Variants in FLVCR2 observed in about 807,000 individuals in gnomAD.
FLVCR2 encodes the protein choline/ethanolamine transporter FLVCR2.
FLVCR2 carries 38 observed loss-of-function variants against 48.9 expected under a neutral mutation model. That is an observed-to-expected ratio of 0.78 (90% CI 0.60 to 1.02). FLVCR2 has a LOEUF of 1.02. Ranked by LOEUF, FLVCR2 falls within the 50% of genes least tolerant of loss-of-function variation. FLVCR2 has a pLI of 0.00. For synonymous variants in FLVCR2, 255 were observed against 257.0 expected, an observed-to-expected ratio of 0.99 and a Z score of 0.07; for missense variants, 664 against 663.3, an observed-to-expected ratio of 1.00 and a Z score of -0.01.
chr14:75,641,313 C>A lies in FLVCR2; in HGVS notation c.1453+20C>A, dbSNP rs761651605. ...TCACTGGTGAGTTGGAGCCTGAGGG[C>A]AAGATGAGGCTCAGGTTGGCCATTT... On this transcript the variant is annotated intron_variant, in intron 8 of 9. Transcript: ENST00000238667. 1 of 1,561,024 alleles carries A rather than the reference C, an allele frequency of 6.4e-7. No individual in the cohort carries two copies. The highest frequency in any genetic ancestry group is 8.8e-7 in the Non-Finnish European group (1 of 1,131,996).
chr14:75,602,025 C>A (rs1436101780), intron 1 of FLVCR2, among the ~76,000 whole-genome samples: 1 of 152,170 alleles, frequency 6.6e-6, no homozygotes, highest in East Asian at 1.9e-4. Context: ...ACTTTACTCA[C>A]ATTTCCTAGT....
intron 1 of FLVCR2, among the ~76,000 whole-genome samples, chr14:75,600,312 C>T (rs147246349): frequency 0.011 from 1,688 of 152,252 alleles, 26 homozygotes; most frequent in African/African-American, 0.039. Flanking sequence ...ATTGCCCACC[C>T]CTTTCCCGGA....
At chr14:75,624,855 G>A in intron 3 of FLVCR2, 103 bp downstream of exon 3, 8 of 1,419,954 alleles carry the variant, frequency 5.6e-6, no homozygotes, top group Non-Finnish European at 7.9e-6. Flanking sequence ...AAATGTGCAT[G>A]TAAAGCTGTT....
intron 1 of FLVCR2, among the ~76,000 whole-genome samples, chr14:75,594,549 G>T (rs1888969075): frequency 6.6e-6 from 1 of 152,196 alleles, no homozygotes; most frequent in South Asian, 2.1e-4. Context: ...GGTTCTGGAG[G>T]CTGGGAAACC....
chr14:75,585,886 G>C (rs1201009260), intron 1 of FLVCR2, among the ~76,000 whole-genome samples: 2 of 152,194 alleles, frequency 1.3e-5, no homozygotes, highest in African/African-American at 4.8e-5. Context: ...AAGATTGAAG[G>C]GTAGCAAGAG....
chr14:75,632,797 CTG>C, intron 3 of FLVCR2: 2 of 702,066 alleles, frequency 2.8e-6, no homozygotes, highest in East Asian at 2.7e-5. Flanking sequence ...ATTATTTTAA[CTG>C]TGTGTGCATC....
At chr14:75,628,352 T>G (rs1356670054) in intron 3 of FLVCR2, among the ~76,000 whole-genome samples, 1 of 152,176 alleles carries the variant, frequency 6.6e-6, no homozygotes, top group Non-Finnish European at 1.5e-5. Context: ...TGACCTCAGG[T>G]GATCTGCCCG....
intron 1 of FLVCR2, among the ~76,000 whole-genome samples, chr14:75,609,579 C>T (rs1889385462): frequency 6.6e-6 from 1 of 152,110 alleles, no homozygotes; most frequent in Non-Finnish European, 1.5e-5. Flanking sequence ...TACATGGGTC[C>T]CATCCTATCT....
At chr14:75,605,489 C>A in intron 1 of FLVCR2, 1 of 1,523,328 alleles carries the variant, frequency 6.6e-7, no homozygotes, top group Non-Finnish European at 8.8e-7. Context: ...TGATTACAGG[C>A]ATCTTTCCTT....
chr14:75,630,700 A>G (rs749407820), intron 3 of FLVCR2, among the ~76,000 whole-genome samples: 1 of 152,190 alleles, frequency 6.6e-6, no homozygotes, highest in Non-Finnish European at 1.5e-5. Context: ...AATTTTTTAC[A>G]AAGAAAAAAA....
Position 75,588,721 on chromosome 14 carries a change from C to T in FLVCR2, c.669+9080C>T, listed in dbSNP as rs181764102. 4.5e-3 allele frequency among the ~76,000 whole-genome samples: 687 copies of T among 152,232 alleles called. 10 individuals are homozygous for T. In the South Asian group the frequency reaches 0.059, roughly 13 times the overall value. On this transcript the variant is annotated intron_variant, in intron 1 of 9. Coordinates refer to ENST00000238667, the MANE Select transcript of FLVCR2 (RefSeq NM_017791.3). Reference sequence around the variant, plus strand: ...CTTGAACTCCTGACCTCAAGTGATCCCCCTGCCTCGGCCTCCCAAAGTGTT... The same window carrying T: ...CTTGAACTCCTGACCTCAAGTGATCTCCCTGCCTCGGCCTCCCAAAGTGTT...
chr14:75,637,728 CA>C (rs59847223), intron 5 of FLVCR2, among the ~76,000 whole-genome samples: 20,786 of 83,928 alleles, frequency 0.25, 2,585 homozygotes, highest in African/African-American at 0.47. Flanking sequence ...GACTCCATCT[CA>C]AAAAAAAAAA....
At chr14:75,606,512 G>A (rs1889294274) in intron 1 of FLVCR2, among the ~76,000 whole-genome samples, 1 of 152,144 alleles carries the variant, frequency 6.6e-6, no homozygotes, top group African/African-American at 2.4e-5. Flanking sequence ...AGCTAGACAG[G>A]AACACACCTC....
At chr14:75,618,128 C>T (rs567383493) in intron 1 of FLVCR2, among the ~76,000 whole-genome samples, 3 of 152,168 alleles carry the variant, frequency 2.0e-5, no homozygotes, top group Non-Finnish European at 4.4e-5. Flanking sequence ...GGAGAAGTCA[C>T]TGCAGGGTGT....
chr14:75,593,301 C>T (rs1888930446), intron 1 of FLVCR2, among the ~76,000 whole-genome samples: 3 of 152,130 alleles, frequency 2.0e-5, no homozygotes, highest in Non-Finnish European at 1.5e-5. Flanking sequence ...AACAGAATAC[C>T]TGAAACTGGG....
At position 75,578,705 on chromosome 14, in the gene FLVCR2, C is replaced by G; in HGVS notation, c.-268C>G. 1 of 560,912 alleles carries G rather than the reference C, an allele frequency of 1.8e-6. No homozygotes were observed. Among genetic ancestry groups the G allele is most frequent in the South Asian group, 2.1e-5 (1 of 48,666 alleles). The allele number at this position is 560,912 out of a possible 1,614,324, so 34.7% of individuals were successfully genotyped here. On this transcript the variant is annotated 5_prime_UTR_variant, in exon 1 of 10. Transcript: ENST00000238667. ...CTCGTGGGGAGACCCAAGGCAGGAGCGGTCCGGAGCCGGCTGCGGCGTGTG... is the reference window on the plus strand; with the variant it reads ...CTCGTGGGGAGACCCAAGGCAGGAGGGGTCCGGAGCCGGCTGCGGCGTGTG...
intron 9 of FLVCR2, among the ~76,000 whole-genome samples, chr14:75,643,900 A>C (rs1034643520): frequency 6.6e-6 from 1 of 152,148 alleles, no homozygotes; most frequent in South Asian, 2.1e-4. Flanking sequence ...GTGAAATCCT[A>C]TCTCTACTAA....
At chr14:75,624,506 G>C (rs926526812) in intron 2 of FLVCR2, 106 bp from the exon 3 acceptor site, 42 of 1,291,010 alleles carry the variant, frequency 3.3e-5, no homozygotes, top group South Asian at 2.7e-4. Flanking sequence ...TCCTTTGGGA[G>C]TCTTAGCTCC....
intron 1 of FLVCR2, among the ~76,000 whole-genome samples, chr14:75,611,587 A>G (rs1889449823): frequency 6.6e-6 from 1 of 151,984 alleles, no homozygotes; most frequent in Non-Finnish European, 1.5e-5. Context: ...AATACAAAAA[A>G]TTAGCCAGGT....
Sources: allele counts gnomAD v4.1 joint callset (sites outside exome capture counted in the v4.1 genomes callset), GRCh38; gene constraint gnomAD v4.1.1; transcripts MANE v1.5; gene names NCBI Gene and HGNC (gene_info 2026-07-23, HGNC 2026-07-21).